Variants in PRDM5 observed in about 807,000 individuals in gnomAD.
PRDM5 encodes the protein PR domain zinc finger protein 5.
PRDM5 carries 56 observed loss-of-function variants against 81.2 expected under a neutral mutation model. The ratio of observed to expected loss-of-function variants is 0.69; its 90% CI spans 0.56 to 0.86. The LOEUF is 0.86. Among genes scored for constraint, PRDM5 ranks in the 40% least tolerant of loss-of-function variants. PRDM5 has a pLI of 0.00. For missense variants in PRDM5, 697 were observed against 770.1 expected (o/e 0.91, Z 1.12); for synonymous variants, 267 against 256.4 (o/e 1.04, Z -0.39).
At chr4:120,843,565 A>G (rs967548063) in intron 3 of PRDM5, among the ~76,000 whole-genome samples, 6 of 151,768 alleles carry the variant, frequency 4.0e-5, no homozygotes, top group Admixed American at 1.3e-4. Context: ...GTAGATGGGC[A>G]TGCTGGCACA....
chr4:120,759,553 T>C (rs1039114966), intron 13 of PRDM5, among the ~76,000 whole-genome samples: 1 of 152,234 alleles, frequency 6.6e-6, no homozygotes, highest in Non-Finnish European at 1.5e-5. Context: ...TTTCTTCACA[T>C]TATGCATATG....
At chr4:120,760,120 C>T (rs1035288846) in intron 13 of PRDM5, among the ~76,000 whole-genome samples, 1 of 152,190 alleles carries the variant, frequency 6.6e-6, no homozygotes, top group African/African-American at 2.4e-5. Context: ...TAACCTCATG[C>T]CATCACATAA....
intron 1 of PRDM5, among the ~76,000 whole-genome samples, chr4:120,914,096 C>T (rs988527123): frequency 2.0e-5 from 3 of 152,024 alleles, no homozygotes; most frequent in Admixed American, 6.6e-5. Flanking sequence ...AAGAATTAGA[C>T]CCACGCTCTG....
chr4:120,819,199 T>C (rs1218753078), intron 4 of PRDM5, among the ~76,000 whole-genome samples: 1 of 152,248 alleles, frequency 6.6e-6, no homozygotes, highest in Non-Finnish European at 1.5e-5. Context: ...ACATATTTTA[T>C]GCGCAGTCTA....
chr4:120,733,383 T>C (rs1435543821), intron 14 of PRDM5, among the ~76,000 whole-genome samples: 1 of 152,122 alleles, frequency 6.6e-6, no homozygotes, highest in Non-Finnish European at 1.5e-5. Flanking sequence ...ACAGTGGGCT[T>C]CTCACCCACC....
chr4:120,861,048 C>T (rs996671573), intron 2 of PRDM5, among the ~76,000 whole-genome samples: 1 of 152,178 alleles, frequency 6.6e-6, no homozygotes. Flanking sequence ...CGCTCTGTGG[C>T]CCAGGCTGGA....
At position 120,875,872 on chromosome 4, in the gene PRDM5, C is replaced by T. The variant is rs146577888; in HGVS notation, c.178-22332G>A. Among the ~76,000 whole-genome samples the T allele has an allele frequency of 3.3e-5, 5 of 152,228 alleles. No homozygotes were observed. In the East Asian group the frequency reaches 9.7e-4, roughly 29 times the overall value. The stretch of plus-strand genomic sequence containing the variant: ...TGTTGGAGTGGGTAAGTAATTCAAG[C>T]CACGTTGCTTCTAAACAGTATTTTA... On this transcript the variant is annotated intron_variant, in intron 2 of 15. Coordinates refer to ENST00000264808, the MANE Select transcript of PRDM5 (RefSeq NM_018699.4).
chr4:120,877,310 T>C (rs1762413666), intron 2 of PRDM5, among the ~76,000 whole-genome samples: 2 of 152,224 alleles, frequency 1.3e-5, no homozygotes, highest in Admixed American at 1.3e-4. Flanking sequence ...CATGGCTATT[T>C]CCATGTACCA....
chr4:120,696,986 A>G (rs1437889452), intron 15 of PRDM5, among the ~76,000 whole-genome samples: 1 of 152,214 alleles, frequency 6.6e-6, no homozygotes, highest in Non-Finnish European at 1.5e-5. Context: ...AGCCAAGTCC[A>G]TGTTGCAAAA....
intron 13 of PRDM5, among the ~76,000 whole-genome samples, chr4:120,762,080 C>T (rs1456712672): frequency 6.6e-6 from 1 of 151,986 alleles, no homozygotes; most frequent in Non-Finnish European, 1.5e-5. Context: ...AGACCATTTT[C>T]AATAAGCATT....
chr4:120,753,012 C>T (rs1047995863), intron 14 of PRDM5, among the ~76,000 whole-genome samples: 3 of 152,104 alleles, frequency 2.0e-5, no homozygotes, highest in South Asian at 4.2e-4. Context: ...TGAGAAAACC[C>T]AAAAGATATT....
chr4:120,838,492 T>G (rs1757612320), intron 3 of PRDM5: 1 of 152,204 alleles, frequency 6.6e-6, no homozygotes, highest in African/African-American at 2.4e-5. Context: ...ACTATAGTCA[T>G]CCTACAGCGG....
intron 14 of PRDM5, among the ~76,000 whole-genome samples, chr4:120,747,940 A>C (rs1743384422): frequency 6.6e-6 from 1 of 152,256 alleles, no homozygotes; most frequent in African/African-American, 2.4e-5. Context: ...TGAAATCAAA[A>C]GGGGTTATAC....
intron 8 of PRDM5, among the ~76,000 whole-genome samples, chr4:120,806,605 T>C (rs879075734): frequency 6.6e-6 from 1 of 152,192 alleles, no homozygotes; most frequent in Non-Finnish European, 1.5e-5. Context: ...GGGAAAGGAT[T>C]CCCTATTTAA....
intron 9 of PRDM5, 95 bp from the exon 10 acceptor site, chr4:120,798,519 GA>G: frequency 8.8e-7 from 1 of 1,141,356 alleles, no homozygotes; most frequent in East Asian, 2.4e-5. Context: ...CTTACGGTAA[GA>G]AAACTAAAGG....
At chr4:120,879,036 G>A (rs191507318) in intron 2 of PRDM5, among the ~76,000 whole-genome samples, 28 of 152,220 alleles carry the variant, frequency 1.8e-4, no homozygotes, top group Admixed American at 1.7e-3. Flanking sequence ...ACGCAATTTG[G>A]CATTTACCCA....
intron 13 of PRDM5, among the ~76,000 whole-genome samples, chr4:120,772,336 G>C (rs1170017144): frequency 6.6e-6 from 1 of 152,112 alleles, no homozygotes; most frequent in African/African-American, 2.4e-5. Context: ...TTGAGTTCTA[G>C]ACTATATCTA....
intron 14 of PRDM5, among the ~76,000 whole-genome samples, chr4:120,744,726 AC>A (rs1742709766): frequency 6.6e-6 from 1 of 151,374 alleles, no homozygotes; most frequent in African/African-American, 2.4e-5. Context: ...CCAAGACTAA[AC>A]CAGGAAGAAG....
chr4:120,894,475 G>A (rs1292391358), intron 2 of PRDM5, among the ~76,000 whole-genome samples: 2 of 151,986 alleles, frequency 1.3e-5, no homozygotes, highest in Non-Finnish European at 2.9e-5. Context: ...ATTTCTTCTG[G>A]CGCAAGTCAG....
Sources: allele counts gnomAD v4.1 joint callset (sites outside exome capture counted in the v4.1 genomes callset), GRCh38; gene constraint gnomAD v4.1.1; transcripts MANE v1.5; gene names NCBI Gene and HGNC (gene_info 2026-07-23, HGNC 2026-07-21).